B3GALT5: variants seen among roughly 807,000 people sequenced by gnomAD.
The protein encoded by B3GALT5 is beta-1,3-galactosyltransferase 5.
For missense variants in B3GALT5, 328 were observed against 396.6 expected (o/e 0.83, Z 1.47); for synonymous variants, 156 against 158.6 (o/e 0.98, Z 0.12).
Position 39,651,988 on chromosome 21 carries a change from G to A in B3GALT5, c.-161+5366G>A, listed in dbSNP as rs561015081. On this transcript the variant is annotated intron_variant, in intron 2 of 3. Coordinates refer to ENST00000684187, the MANE Select transcript of B3GALT5 (RefSeq NM_001356336.2). ...ACCCGACTGTGTTGAAAGGACCCAT[G>A]ATGTAAGGATGTTTGTTGTGGGGGG... is the stretch of plus-strand genomic sequence containing the variant. Among the ~76,000 whole-genome samples, 25 of 152,306 alleles carry A rather than the reference G, an allele frequency of 1.6e-4. No individual in the cohort carries two copies. In the South Asian group the frequency reaches 4.4e-3, roughly 27 times the overall value.
chr21:39,620,832 A>G (rs913690656), intron 1 of B3GALT5, among the ~76,000 whole-genome samples: 3 of 152,342 alleles, frequency 2.0e-5, no homozygotes, highest in East Asian at 3.9e-4. Flanking sequence ...TGTTTGTGGC[A>G]TAACCTAGCC....
chr21:39,635,001 A>G lies in B3GALT5; in HGVS notation c.-391-11391A>G, dbSNP rs2079216851. The stretch of plus-strand genomic sequence containing the variant: ...CAGAAATCACCCACTTTTTACAAGA[A>G]TGTCCCACTGTGAAATCAGAATGTT... On this transcript the variant is annotated intron_variant, in intron 1 of 3. Transcript: ENST00000684187. Among the ~76,000 whole-genome samples, 2 of 152,168 alleles carry G rather than the reference A, an allele frequency of 1.3e-5. 1 individual carries two copies. Among genetic ancestry groups the G allele is most frequent in the South Asian group, 4.1e-4 (2 of 4,830 alleles).
At chr21:39,620,038 C>T (rs974101529) in intron 1 of B3GALT5, among the ~76,000 whole-genome samples, 2 of 152,140 alleles carry the variant, frequency 1.3e-5, no homozygotes, top group African/African-American at 4.8e-5. Flanking sequence ...GTTGGCCAGG[C>T]TGGTCTCGAA....
At chr21:39,656,191 TGGG>T (rs2079442491) in intron 2 of B3GALT5, among the ~76,000 whole-genome samples, 1 of 152,168 alleles carries the variant, frequency 6.6e-6, no homozygotes, top group Admixed American at 6.5e-5. Context: ...TTGAGAACCG[TGGG>T]GTTGTTCAGA....
At chr21:39,650,711 A>C (rs2079386675) in intron 2 of B3GALT5, among the ~76,000 whole-genome samples, 2 of 152,182 alleles carry the variant, frequency 1.3e-5, no homozygotes, top group Admixed American at 1.3e-4. Flanking sequence ...GAACGTCCAC[A>C]GGATACTGGA....
intron 1 of B3GALT5, among the ~76,000 whole-genome samples, chr21:39,622,426 C>T (rs1283739649): frequency 6.6e-6 from 1 of 151,908 alleles, no homozygotes; most frequent in Non-Finnish European, 1.5e-5. Context: ...GTTGTTGAAG[C>T]TTACAAGTTC....
intron 2 of B3GALT5, among the ~76,000 whole-genome samples, chr21:39,651,969 C>T (rs1471315888): frequency 6.6e-6 from 1 of 152,178 alleles, no homozygotes; most frequent in African/African-American, 2.4e-5. Context: ...CTTCACCCGA[C>T]TGTGTTGAAA....
chr21:39,641,526 C>T (rs960634607), intron 1 of B3GALT5, among the ~76,000 whole-genome samples: 8 of 152,170 alleles, frequency 5.3e-5, no homozygotes, highest in East Asian at 3.9e-4. Flanking sequence ...TTCCCTTTAC[C>T]GCGTTTTTTA....
At chr21:39,642,921 G>A (rs2079302437) in intron 1 of B3GALT5, among the ~76,000 whole-genome samples, 1 of 151,680 alleles carries the variant, frequency 6.6e-6, no homozygotes, top group Non-Finnish European at 1.5e-5. Flanking sequence ...GCATGGTGGT[G>A]TGTGCCTTCG....
intron 1 of B3GALT5, among the ~76,000 whole-genome samples, chr21:39,632,405 G>A (rs2079198063): frequency 6.6e-6 from 1 of 152,196 alleles, no homozygotes; most frequent in South Asian, 2.1e-4. Context: ...TTAATTACGT[G>A]ATGGATGAAG....
At chr21:39,613,100 G>A (rs1481593319) in intron 1 of B3GALT5, 33 bp downstream of exon 1, 1 of 148,940 alleles carries the variant, frequency 6.7e-6, no homozygotes, top group Non-Finnish European at 1.5e-5. Flanking sequence ...GGGGCGCGGG[G>A]AGCGCTGGCC....
intron 1 of B3GALT5, among the ~76,000 whole-genome samples, chr21:39,645,789 A>C (rs2079332281): frequency 6.6e-6 from 1 of 152,174 alleles, no homozygotes; most frequent in Non-Finnish European, 1.5e-5. Flanking sequence ...GGCAGTGGTC[A>C]AAAGGGGAGA....
At position 39,660,688 on chromosome 21, in the gene B3GALT5, C is replaced by T; in HGVS notation, c.129C>T (p.Asn43=). The T allele has an allele frequency of 1.3e-6, 2 of 1,558,350 alleles. No homozygotes were observed. The highest frequency in any genetic ancestry group is 8.7e-7 in the Non-Finnish European group (1 of 1,154,100). The change falls in exon 4 of 4, where the codon AAC becomes AAT. Residue 43 remains asparagine (N), a synonymous_variant. Transcript: ENST00000684187. ...CCTTTGTTTACAAGAAAGACGGGAACTTCCTTAAGCTCCCAGATACAGACT... is the reference window on the plus strand; with the variant it reads ...CCTTTGTTTACAAGAAAGACGGGAATTTCCTTAAGCTCCCAGATACAGACT... ...EQSFVYKKDG[N]FLKLPDTDCR... is the part of the protein sequence containing the mutation.
chr21:39,637,174 CAG>C (rs1403028471), intron 1 of B3GALT5, among the ~76,000 whole-genome samples: 2 of 152,242 alleles, frequency 1.3e-5, no homozygotes, highest in Non-Finnish European at 2.9e-5. Flanking sequence ...AGTCCTAAAA[CAG>C]AGGAGCACTG....
intron 1 of B3GALT5, among the ~76,000 whole-genome samples, chr21:39,638,554 A>C (rs917097398): frequency 8.5e-5 from 13 of 152,128 alleles, no homozygotes; most frequent in Non-Finnish European, 1.8e-4. Flanking sequence ...CCTTGCACTC[A>C]TTCTCCAAGC....
At chr21:39,620,921 C>T (rs2079131332) in intron 1 of B3GALT5, among the ~76,000 whole-genome samples, 1 of 152,126 alleles carries the variant, frequency 6.6e-6, no homozygotes, top group South Asian at 2.1e-4. Context: ...TTATATACAT[C>T]TTTTCTGGTC....
Position 39,669,054 on chromosome 21 carries a change from A to G in B3GALT5, c.*7562A>G, listed in dbSNP as rs1239898243. The G allele has an allele frequency of 6.6e-6, 1 of 152,176 alleles. No individual in the cohort carries two copies. The highest frequency in any genetic ancestry group is 6.5e-5 in the Admixed American group (1 of 15,274). The allele number at this position is 152,176 out of a possible 1,614,324, so 9.4% of individuals were successfully genotyped here. A position where few individuals can be genotyped will look rare whatever the true frequency, so the allele number is the denominator to read the frequency against. On this transcript the variant is annotated 3_prime_UTR_variant, in exon 4 of 4. Transcript: ENST00000684187. ...GTCTGGTGATCTCTGTGCAAATCAA[A>G]AACTCTTCAGATTGAGTCTGTAGGG...
intron 2 of B3GALT5, among the ~76,000 whole-genome samples, chr21:39,658,526 A>C (rs979310478): frequency 5.9e-5 from 9 of 152,156 alleles, no homozygotes; most frequent in Admixed American, 5.9e-4. Flanking sequence ...TGGGGGAGAA[A>C]GCAGTCCCCC....
chr21:39,657,008 A>C (rs940870056), intron 2 of B3GALT5, among the ~76,000 whole-genome samples: 1 of 152,222 alleles, frequency 6.6e-6, no homozygotes, highest in East Asian at 1.9e-4. Context: ...GGGAGCCAGC[A>C]GATGGGATAC....
Sources: allele counts gnomAD v4.1 joint callset (sites outside exome capture counted in the v4.1 genomes callset), GRCh38; gene constraint gnomAD v4.1.1; transcripts MANE v1.5; gene names NCBI Gene and HGNC (gene_info 2026-07-23, HGNC 2026-07-21).